Variants in SULT1C2 observed in about 807,000 individuals in gnomAD.
SULT1C2 encodes sulfotransferase family 1C member 2.
In SULT1C2, 27 loss-of-function variants were observed where a neutral mutation model predicts 36.0. That is an observed-to-expected ratio of 0.75 (90% CI 0.55 to 1.03). The LOEUF is 1.03. Ranked by LOEUF, SULT1C2 falls within the 50% of genes least tolerant of loss-of-function variation. The pLI, the probability that SULT1C2 is intolerant of heterozygous loss-of-function variation, is 0.00. For missense variants in SULT1C2, 395 were observed against 359.2 expected (o/e 1.10, Z -0.80); for synonymous variants, 121 against 116.0 (o/e 1.04, Z -0.27).
chr2:108,304,449 C>A (rs1275854085), intron 4 of SULT1C2, 125 bp from the exon 5 acceptor site: 3 of 1,063,768 alleles, frequency 2.8e-6, no homozygotes, highest in Non-Finnish European at 3.9e-6. Flanking sequence ...GGCCAAGTCG[C>A]AGGGCCAGCA....
At chr2:108,296,766 G>C (rs1455090271) in intron 3 of SULT1C2, among the ~76,000 whole-genome samples, 8 of 152,180 alleles carry the variant, frequency 5.3e-5, no homozygotes, top group Non-Finnish European at 1.5e-5. Context: ...TTTTCTTTCA[G>C]AGTAGATAAT....
In SULT1C2 at chr2:108,305,181, G is replaced by A. The variant is rs772889059; in HGVS notation, c.512G>A (p.Gly171Asp). Residue 171 changes from glycine (G) to aspartate (D), a missense_variant, in exon 6 of 8, where the codon GGT becomes GAT. Physicochemically the swap from Gly to Asp is moderately conservative, Grantham distance 94. Transcript: ENST00000251481. Reference sequence around the variant, plus strand: ...CCTGTGTCTATTTCAGTGGTTTGGGGTTCCTGGTTTGACCACGTGAAAGGA... The same window carrying A: ...CCTGTGTCTATTTCAGTGGTTTGGGATTCCTGGTTTGACCACGTGAAAGGA... The part of the protein sequence containing the change: ...ETFINGKVVW[G>D]SWFDHVKGWW... 8 of 1,614,016 alleles carry A rather than the reference G, an allele frequency of 5.0e-6. No homozygotes were observed. In the African/African-American group the frequency reaches 9.3e-5, roughly 19 times the overall value.
chr2:108,296,415 T>C (rs1205398124), intron 3 of SULT1C2, among the ~76,000 whole-genome samples: 1 of 151,666 alleles, frequency 6.6e-6, no homozygotes, highest in African/African-American at 2.4e-5. Flanking sequence ...CACAGACAGC[T>C]GAATGCTGGC....
chr2:108,291,730 T>C (rs1676596596), intron 1 of SULT1C2, among the ~76,000 whole-genome samples: 1 of 152,208 alleles, frequency 6.6e-6, no homozygotes, highest in Non-Finnish European at 1.5e-5. Context: ...ATGAGGGTGA[T>C]AATTATTCCT....
intron 1 of SULT1C2, 124 bp from the exon 2 acceptor site, chr2:108,293,523 C>A: frequency 9.0e-6 from 8 of 884,410 alleles, no homozygotes; most frequent in Non-Finnish European, 1.3e-5. Context: ...AATGGTTGCA[C>A]AACAATGTGA....
chr2:108,293,904 C>T (rs1573244337), intron 2 of SULT1C2, 86 bp downstream of exon 2: 5 of 1,525,382 alleles, frequency 3.3e-6, no homozygotes, highest in East Asian at 4.6e-5. Flanking sequence ...TCTTAGGAAA[C>T]CTGCTCCTTC....
At chr2:108,296,157 A>C (rs1288593174) in intron 3 of SULT1C2, among the ~76,000 whole-genome samples, 1 of 152,152 alleles carries the variant, frequency 6.6e-6, no homozygotes, top group African/African-American at 2.4e-5. Flanking sequence ...ACCTCTGGCA[A>C]TTTGAGAGAT....
chr2:108,305,265 G>A lies in SULT1C2; in HGVS notation c.596G>A (p.Arg199Lys), dbSNP rs374507541. 6.8e-6 allele frequency: 11 copies of A among 1,614,044 alleles called. No homozygotes were observed. Among genetic ancestry groups the A allele is most frequent in the Non-Finnish European group, 8.5e-6 (10 of 1,180,044 alleles). The change falls in exon 6 of 8, where the codon AGG becomes AAG. Residue 199 changes from arginine to lysine, a missense_variant and splice_region_variant. Arg to Lys is a conservative substitution (Grantham distance 26). Coordinates refer to ENST00000251481, the MANE Select transcript of SULT1C2 (RefSeq NM_001056.4). ...TTCCTCTTCTATGAGGACATAAAGA[G>A]GGTGAGTGAAGGCTCTGCAGAAGAA... ...ILFLFYEDIK[R>K]DPKHEIRKVM...
At chr2:108,295,560 C>T (rs775524544) in intron 3 of SULT1C2, among the ~76,000 whole-genome samples, 2 of 152,138 alleles carry the variant, frequency 1.3e-5, no homozygotes, top group African/African-American at 2.4e-5. Context: ...GACTCCGTCA[C>T]TCACCTCACA....
Position 108,293,638 on chromosome 2 carries a change from T to G in SULT1C2, c.-21-9T>G. ...TTCTTTAAAAATCTCCTCTATTCTT[T>G]TCCCATAGGGACCCCAACCCTGAGA... is the stretch of plus-strand genomic sequence containing the variant. On this transcript the variant is annotated splice_polypyrimidine_tract_variant and intron_variant, in intron 1 of 7. Coordinates refer to ENST00000251481, the MANE Select transcript of SULT1C2 (RefSeq NM_001056.4). The G allele has an allele frequency of 6.3e-7, 1 of 1,575,402 alleles. No homozygotes were observed.
rs1677000571 is a variant in SULT1C2 at position 108,305,491 on chromosome 2, T to C, written c.674T>C (p.Val225Ala). 3 of 1,614,058 alleles carry C rather than the reference T, an allele frequency of 1.9e-6. No individual in the cohort carries two copies. The highest frequency in any genetic ancestry group is 2.5e-6 in the Non-Finnish European group (3 of 1,180,040). Residue 225 changes from valine to alanine, a missense_variant, in exon 7 of 8, where the codon GTC (valine) becomes GCC (alanine). Transcript: ENST00000251481. ...GATGAAACAGTGCTAGATAAAATTGTCCAGGAGACGTCATTTGAGAAAATG... is the reference window on the plus strand; with the variant it reads ...GATGAAACAGTGCTAGATAAAATTGCCCAGGAGACGTCATTTGAGAAAATG... ...KVDETVLDKI[V>A]QETSFEKMKE...
rs14700 is a variant in SULT1C2 at position 108,308,621 on chromosome 2, A to T, written c.*157A>T. ...ATGATTAACAGTATGTCACCACTTC[A>T]TTTTTTAAAAAGGATCACGTCTAAT... On this transcript the variant is annotated 3_prime_UTR_variant, in exon 8 of 8. Coordinates refer to ENST00000251481, the MANE Select transcript of SULT1C2 (RefSeq NM_001056.4). 1.7e-6 allele frequency: 1 copy of T among 579,534 alleles called. No individual in the cohort carries two copies. The highest frequency in any genetic ancestry group is 2.9e-6 in the Non-Finnish European group (1 of 349,606). The allele number at this position is 579,534 out of a possible 1,614,324, so 35.9% of individuals were successfully genotyped here.
At chr2:108,308,228 G>A (rs1474023633) in intron 7 of SULT1C2, 124 bp from the exon 8 acceptor site, 4 of 778,510 alleles carry the variant, frequency 5.1e-6, no homozygotes, top group African/African-American at 1.7e-5. Flanking sequence ...GTCCACTGAA[G>A]GGGGAGTTGG....
At chr2:108,298,643 A>G (rs1457274898) in intron 3 of SULT1C2, 2 of 381,632 alleles carry the variant, frequency 5.2e-6, no homozygotes, top group Non-Finnish European at 1.0e-5. Flanking sequence ...CAACCTCCCA[A>G]AGTGCCAAGA....
At chr2:108,298,112 T>A (rs1008835923) in intron 3 of SULT1C2, among the ~76,000 whole-genome samples, 1 of 152,226 alleles carries the variant, frequency 6.6e-6, no homozygotes, top group African/African-American at 2.4e-5. Context: ...CTGAATTTGC[T>A]CCCCAGCTTG....
chr2:108,291,694 G>A (rs1054868875), intron 1 of SULT1C2, among the ~76,000 whole-genome samples: 2 of 152,130 alleles, frequency 1.3e-5, no homozygotes, highest in Admixed American at 6.5e-5. Context: ...GTTATTGATC[G>A]TGTGACTCTC....
At chr2:108,293,593 T>C (rs1676649689) in intron 1 of SULT1C2, 54 bp from the exon 2 acceptor site, 6 of 1,492,110 alleles carry the variant, frequency 4.0e-6, no homozygotes, top group South Asian at 1.3e-5. Flanking sequence ...AATTTTATGT[T>C]ATGTATATTT....
chr2:108,304,432 G>T, intron 4 of SULT1C2, 142 bp from the exon 5 acceptor site: 3 of 822,130 alleles, frequency 3.6e-6, no homozygotes, highest in African/African-American at 3.5e-5. Context: ...GAAGAGGGAG[G>T]TCACAAGGCC....
intron 7 of SULT1C2, among the ~76,000 whole-genome samples, chr2:108,306,316 T>C (rs1209841011): frequency 6.6e-6 from 1 of 152,222 alleles, no homozygotes; most frequent in African/African-American, 2.4e-5. Context: ...TTGTTAAATA[T>C]TAAATTGGGC....
Sources: allele counts gnomAD v4.1 joint callset (sites outside exome capture counted in the v4.1 genomes callset), GRCh38; gene constraint gnomAD v4.1.1; transcripts MANE v1.5; gene names NCBI Gene and HGNC (gene_info 2026-07-23, HGNC 2026-07-21).